The following DST variants were observed in gnomAD, a reference collection of about 807,000 sequenced individuals.
The protein encoded by DST is dystonin.
In DST, 253 loss-of-function variants were observed where a neutral mutation model predicts 875.2. The ratio of observed to expected loss-of-function variants is 0.29; its 90% CI spans 0.26 to 0.32. The LOEUF is 0.32. Ranked by LOEUF, DST falls within the 10% of genes least tolerant of loss-of-function variation. DST has a pLI of 1.00. For missense variants in DST, 8,287 were observed against 9,111.6 expected, an observed-to-expected ratio of 0.91 and a Z score of 3.68; for synonymous variants, 3,124 against 3,197.1, an observed-to-expected ratio of 0.98 and a Z score of 0.77.
rs547943849 is a variant in DST at position 56,782,974 on chromosome 6, G to A, written c.626-47685C>T. Among the ~76,000 whole-genome samples the A allele has an allele frequency of 2.7e-3, 405 of 152,218 alleles. 1 individual carries two copies. The highest frequency in any genetic ancestry group is 8.8e-3 in the African/African-American group (367 of 41,530). ...ACATCTTTATTACTGCCTTCATTTC[G>A]TTAGGTACCCAGTAGTCATTCAGGA... On this transcript the variant is annotated intron_variant, in intron 4 of 103. Coordinates refer to ENST00000680361, the MANE Select transcript of DST (RefSeq NM_001374736.1).
At chr6:56,495,942 T>TA (rs2095886420) in intron 82 of DST, among the ~76,000 whole-genome samples, 5 of 152,094 alleles carry the variant, frequency 3.3e-5, no homozygotes, top group African/African-American at 1.2e-4. Flanking sequence ...TCAAAATTAT[T>TA]TCCAAATAAG....
intron 4 of DST, 39 bp downstream of exon 4, chr6:56,851,358 C>A: frequency 6.3e-7 from 1 of 1,584,390 alleles, no homozygotes; most frequent in Non-Finnish European, 8.6e-7. Flanking sequence ...TTCCGCAACT[C>A]TCTTCCCCCA....
chr6:56,625,401 T>C (rs1016758513), intron 34 of DST, 137 bp from the exon 35 acceptor site: 13 of 645,972 alleles, frequency 2.0e-5, no homozygotes, highest in African/African-American at 5.5e-5. Context: ...CATTAGAACC[T>C]AGATTCATTA....
chr6:56,583,005 T>C (rs1279881015), intron 49 of DST, among the ~76,000 whole-genome samples: 2 of 152,178 alleles, frequency 1.3e-5, no homozygotes, highest in African/African-American at 4.8e-5. Context: ...TTGTTGGACA[T>C]TTGGGTTGGT....
intron 64 of DST, 90 bp downstream of exon 64, chr6:56,532,254 G>T: frequency 1.7e-6 from 2 of 1,176,240 alleles, no homozygotes; most frequent in South Asian, 1.3e-5. Context: ...GGAAAATCAT[G>T]ATTTGAAGTA....
chr6:56,470,408 T>C (rs1173981253), intron 95 of DST, 126 bp from the exon 96 acceptor site: 2 of 673,736 alleles, frequency 3.0e-6, no homozygotes, highest in Non-Finnish European at 4.5e-6. Context: ...AAAATCCTTT[T>C]TTAAAAAACT....
intron 60 of DST, among the ~76,000 whole-genome samples, chr6:56,554,017 A>C (rs1168428641): frequency 6.6e-6 from 1 of 150,954 alleles, no homozygotes; most frequent in Non-Finnish European, 1.5e-5. Context: ...CAAAGTTCTT[A>C]ATTATGTTGA....
At chr6:56,536,755 C>A in intron 62 of DST, 24 bp downstream of exon 62, 2 of 1,501,686 alleles carry the variant, frequency 1.3e-6, no homozygotes, top group South Asian at 2.9e-5. Context: ...AGCAAAATAG[C>A]AATGAAGGGG....
At chr6:56,839,993 G>C (rs1697615235) in intron 4 of DST, among the ~76,000 whole-genome samples, 1 of 152,108 alleles carries the variant, frequency 6.6e-6, no homozygotes, top group African/African-American at 2.4e-5. Context: ...CGGTTGTCTA[G>C]GTACAACGGA....
chr6:56,715,316 G>A (rs993078994), intron 5 of DST, among the ~76,000 whole-genome samples: 3 of 152,182 alleles, frequency 2.0e-5, no homozygotes, highest in Non-Finnish European at 2.9e-5. Context: ...TAAGTAAATT[G>A]CTTCTGAATG....
chr6:56,483,531 T>A (rs1582751775), intron 88 of DST: 1 of 40,962 alleles, frequency 2.4e-5, no homozygotes, highest in Non-Finnish European at 6.7e-5. Context: ...GGTTTGCTTT[T>A]TTTTTTTTTT....
chr6:56,484,838 A>C (rs886456937), intron 88 of DST: 1 of 154,128 alleles, frequency 6.5e-6, no homozygotes, highest in African/African-American at 2.4e-5. Context: ...CTATAATTCA[A>C]GGGGCAAGGT....
In DST at chr6:56,469,018, G is replaced by T; in HGVS notation, c.22552-19C>A. On this transcript the variant is annotated intron_variant, in intron 97 of 103. Coordinates refer to ENST00000680361, the MANE Select transcript of DST (RefSeq NM_001374736.1). ...GGAAGAACTGATAAAAATGAAAAATGGAAGAAAGACACAATTAGTTCAACA... is the reference window on the plus strand; with the variant it reads ...GGAAGAACTGATAAAAATGAAAAATTGAAGAAAGACACAATTAGTTCAACA... The T allele has an allele frequency of 1.3e-6, 2 of 1,566,672 alleles. No individual in the cohort carries two copies. The highest frequency in any genetic ancestry group is 1.7e-6 in the Non-Finnish European group (2 of 1,152,250).
At chr6:56,843,104 C>T in intron 4 of DST, 1 of 1,572,138 alleles carries the variant, frequency 6.4e-7, no homozygotes, top group South Asian at 1.2e-5. Flanking sequence ...ACTCCTGCTC[C>T]TCCACGTACA....
chr6:56,810,813 G>A (rs1338377676), intron 4 of DST, among the ~76,000 whole-genome samples: 1 of 152,004 alleles, frequency 6.6e-6, no homozygotes, highest in Non-Finnish European at 1.5e-5. Flanking sequence ...AGAAGAACAA[G>A]ATACAGCCTC....
At chr6:56,693,002 A>G in intron 9 of DST, 2 of 1,289,322 alleles carry the variant, frequency 1.6e-6, no homozygotes, top group Non-Finnish European at 2.0e-6. Flanking sequence ...GCCCCAACTG[A>G]CTCTTTGTCA....
chr6:56,860,358 A>G (rs958342216), intron 3 of DST, among the ~76,000 whole-genome samples: 1 of 152,182 alleles, frequency 6.6e-6, no homozygotes, highest in African/African-American at 2.4e-5. Context: ...AAAACTGGAG[A>G]AGAGGGGATA....
At chr6:56,883,087 C>T (rs1782987847) in intron 3 of DST, among the ~76,000 whole-genome samples, 1 of 152,148 alleles carries the variant, frequency 6.6e-6, no homozygotes, top group Non-Finnish European at 1.5e-5. Context: ...AGGCTGGTCT[C>T]AAACTCCTGA....
chr6:56,617,938 G>A (rs774131741), intron 36 of DST: 1 of 1,517,634 alleles, frequency 6.6e-7, no homozygotes, highest in South Asian at 1.1e-5. Context: ...AACAAATGAG[G>A]AAACTTGACA....
Sources: allele counts gnomAD v4.1 joint callset (sites outside exome capture counted in the v4.1 genomes callset), GRCh38; gene constraint gnomAD v4.1.1; transcripts MANE v1.5; gene names NCBI Gene and HGNC (gene_info 2026-07-23, HGNC 2026-07-21).